Variants in ANOS1 observed in about 807,000 individuals in gnomAD.
The protein encoded by ANOS1 is anosmin-1.
Under a neutral mutation model 59.0 loss-of-function variants are expected in ANOS1, and 6 were observed. The observed-to-expected ratio is 0.10, with a 90% CI of 0.06 to 0.20. The LOEUF (loss-of-function observed/expected upper bound fraction) is 0.20, where lower values mean the gene tolerates loss of function less well. Ranked by LOEUF, ANOS1 falls within the 10% of genes least tolerant of loss-of-function variation. ANOS1 has a pLI of 1.00. For synonymous variants in ANOS1, 217 were observed against 223.4 expected, an observed-to-expected ratio of 0.97 and a Z score of 0.25; for missense variants, 433 against 542.3, an observed-to-expected ratio of 0.80 and a Z score of 2.00.
intron 1 of ANOS1, among the ~76,000 whole-genome samples, chrX:8,712,535 A>G (rs1411620659): frequency 8.9e-6 from 1 of 112,118 alleles, no homozygotes; most frequent in African/African-American, 3.2e-5. Flanking sequence ...TTAATAATCT[A>G]TGTGTTAATA....
At chrX:8,709,910 C>T (rs946856058) in intron 1 of ANOS1, among the ~76,000 whole-genome samples, 1 of 111,085 alleles carries the variant, frequency 9.0e-6, no homozygotes, top group African/African-American at 3.3e-5. Flanking sequence ...GATTGAAAAC[C>T]ATTATTTGTG....
chrX:8,556,405 A>G (rs1294096267), intron 8 of ANOS1, among the ~76,000 whole-genome samples: 4 of 112,152 alleles, frequency 3.6e-5, no homozygotes, highest in Non-Finnish European at 7.5e-5. Context: ...CTGTTTGCAG[A>G]TGACATGATT....
chrX:8,635,202 T>C (rs1931552572), intron 2 of ANOS1, among the ~76,000 whole-genome samples: 1 of 110,880 alleles, frequency 9.0e-6, no homozygotes, highest in African/African-American at 3.3e-5. Flanking sequence ...TCTGTGTCCC[T>C]CCCTCCTTTA....
At chrX:8,660,950 G>A (rs1407610176) in intron 2 of ANOS1, among the ~76,000 whole-genome samples, 1 of 111,665 alleles carries the variant, frequency 9.0e-6, no homozygotes, top group African/African-American at 3.3e-5. Flanking sequence ...GAGAAATTAT[G>A]AGGATCTAGG....
At chrX:8,673,323 C>T (rs1932286156) in intron 2 of ANOS1, among the ~76,000 whole-genome samples, 2 of 106,173 alleles carry the variant, frequency 1.9e-5, no homozygotes, top group South Asian at 4.3e-4. Flanking sequence ...TCTAGAATGA[C>T]GCTTTTGTTG....
At chrX:8,668,124 C>T (rs6638853) in intron 2 of ANOS1, among the ~76,000 whole-genome samples, 6,716 of 107,135 alleles carry the variant, frequency 0.063, 548 homozygotes, top group African/African-American at 0.22. Flanking sequence ...GATTTTGGTG[C>T]ACCCATCACC....
At chrX:8,616,747 T>C (rs913617048) in intron 3 of ANOS1, among the ~76,000 whole-genome samples, 1 of 111,571 alleles carries the variant, frequency 9.0e-6, no homozygotes, top group South Asian at 3.8e-4. Context: ...ATTGAATCTC[T>C]CACCATGACC....
intron 6 of ANOS1, among the ~76,000 whole-genome samples, chrX:8,579,005 T>C (rs1264439038): frequency 8.9e-6 from 1 of 112,616 alleles, no homozygotes; most frequent in South Asian, 3.6e-4. Flanking sequence ...TATTTTGTAA[T>C]AGGTAGTAGC....
chrX:8,579,083 T>C (rs1930378916), intron 6 of ANOS1, among the ~76,000 whole-genome samples: 1 of 112,873 alleles, frequency 8.9e-6, no homozygotes, highest in African/African-American at 3.2e-5. Flanking sequence ...TGTAATTTTG[T>C]ATTTACTTTA....
chrX:8,659,587 TTC>T (rs1931998655), intron 2 of ANOS1, among the ~76,000 whole-genome samples: 10 of 6,334 alleles, frequency 1.6e-3, no homozygotes, highest in African/African-American at 4.1e-3. Flanking sequence ...CTTGCTTGCC[TTC>T]CTTCCTTCCT....
intron 1 of ANOS1, among the ~76,000 whole-genome samples, chrX:8,701,376 T>C (rs1290161650): frequency 1.8e-5 from 2 of 112,654 alleles, no homozygotes; most frequent in African/African-American, 6.4e-5. Flanking sequence ...AAAATACTTT[T>C]ATAACAAGTT....
At chrX:8,605,156 G>T (rs1930916191) in intron 3 of ANOS1, among the ~76,000 whole-genome samples, 1 of 111,348 alleles carries the variant, frequency 9.0e-6, no homozygotes, top group East Asian at 2.8e-4. Flanking sequence ...TGGGCACTTT[G>T]AAAATGTTAA....
At chrX:8,713,598 TTTC>T (rs1932824698) in intron 1 of ANOS1, among the ~76,000 whole-genome samples, 1 of 110,667 alleles carries the variant, frequency 9.0e-6, no homozygotes, top group East Asian at 2.8e-4. Context: ...GTCTCCTTTC[TTTC>T]TTTTTTTTTT....
chrX:8,629,262 A>T (rs1011470557), intron 2 of ANOS1, among the ~76,000 whole-genome samples: 3 of 111,168 alleles, frequency 2.7e-5, no homozygotes, highest in African/African-American at 3.3e-5. Context: ...AAAAAATTTT[A>T]AAAAGGGCAC....
At chrX:8,668,379 T>C (rs1222639164) in intron 2 of ANOS1, among the ~76,000 whole-genome samples, 4 of 90,186 alleles carry the variant, frequency 4.4e-5, no homozygotes, top group Non-Finnish European at 8.7e-5. Context: ...TTTTTATGGC[T>C]GAATAGTATT....
chrX:8,587,131 TGTG>T (rs750265531), intron 5 of ANOS1, among the ~76,000 whole-genome samples: 35 of 95,175 alleles, frequency 3.7e-4, no homozygotes, highest in African/African-American at 1.4e-3. Flanking sequence ...TGTGTGTGTG[TGTG>T]GGGGGGTGGT....
At chrX:8,641,008 T>C (rs183921203) in intron 2 of ANOS1, among the ~76,000 whole-genome samples, 7 of 112,172 alleles carry the variant, frequency 6.2e-5, no homozygotes, top group African/African-American at 2.3e-4. Context: ...TCTCTAAGAA[T>C]AGATACTTAC....
intron 2 of ANOS1, among the ~76,000 whole-genome samples, chrX:8,664,936 T>A (rs1932109478): frequency 8.9e-6 from 1 of 111,868 alleles, no homozygotes; most frequent in Non-Finnish European, 1.9e-5. Context: ...CAGATGTTTT[T>A]ATGCATATCG....
At chrX:8,662,246 C>G (rs1569076397) in intron 2 of ANOS1, among the ~76,000 whole-genome samples, 1 of 111,685 alleles carries the variant, frequency 9.0e-6, no homozygotes, top group Non-Finnish European at 1.9e-5. Flanking sequence ...CAAGGGTGAG[C>G]AAATTACAGT....
Sources: gnomAD v4.1 joint callset for allele counts (sites outside exome capture counted in the v4.1 genomes callset) on GRCh38, gnomAD v4.1.1 for gene constraint, MANE v1.5 for transcripts, NCBI Gene and HGNC (gene_info 2026-07-23, HGNC 2026-07-21) for gene names.